Variants in STPG2 observed in about 807,000 individuals in gnomAD.
The protein encoded by STPG2 is sperm-tail PG-rich repeat-containing protein 2.
In STPG2, 56 loss-of-function variants were observed where a neutral mutation model predicts 54.2. That is an observed-to-expected ratio of 1.03 (90% CI 0.83 to 1.29). STPG2 has a LOEUF of 1.29. STPG2 is among the 50% of genes most tolerant of loss of function. STPG2 has a pLI of 0.00. For synonymous variants in STPG2, 200 were observed against 181.8 expected (o/e 1.10, Z -0.81); for missense variants, 596 against 544.9 (o/e 1.09, Z -0.93).
At chr4:97,905,484 A>C (rs1731371249) in intron 8 of STPG2, among the ~76,000 whole-genome samples, 3 of 152,186 alleles carry the variant, frequency 2.0e-5, no homozygotes, top group Admixed American at 2.0e-4. Context: ...AACAACCGGT[A>C]CCAGCCACTG....
chr4:97,602,321 G>A (rs1733483602), intron 10 of STPG2, among the ~76,000 whole-genome samples: 1 of 151,740 alleles, frequency 6.6e-6, no homozygotes, highest in East Asian at 1.9e-4. Context: ...GACCTTGTCA[G>A]TCAAAGGACA....
chr4:97,623,026 C>G (rs1560690085), intron 10 of STPG2, among the ~76,000 whole-genome samples: 1 of 152,118 alleles, frequency 6.6e-6, no homozygotes, highest in African/African-American at 2.4e-5. Flanking sequence ...AGAAAGGACT[C>G]CGTATTCAAC....
At chr4:97,618,129 T>A (rs1733920245) in intron 10 of STPG2, among the ~76,000 whole-genome samples, 1 of 152,212 alleles carries the variant, frequency 6.6e-6, no homozygotes, top group South Asian at 2.1e-4. Flanking sequence ...GGTGGCTTTC[T>A]TGGCCTGTCT....
chr4:97,921,843 T>C (rs1732121237), intron 8 of STPG2, among the ~76,000 whole-genome samples: 1 of 152,106 alleles, frequency 6.6e-6, no homozygotes, highest in Non-Finnish European at 1.5e-5. Context: ...ATTCAACCTT[T>C]AAAAAGAAGG....
intron 4 of STPG2, among the ~76,000 whole-genome samples, chr4:97,474,757 G>A (rs1730030543): frequency 6.6e-6 from 1 of 151,982 alleles, no homozygotes; most frequent in Non-Finnish European, 1.5e-5. Flanking sequence ...CCACAGAGCT[G>A]TATTTTTAAA....
chr4:97,741,351 G>A (rs200365876), intron 9 of STPG2, among the ~76,000 whole-genome samples: 62 of 152,078 alleles, frequency 4.1e-4, no homozygotes, highest in African/African-American at 1.2e-3. Flanking sequence ...ACAAAAGCCA[G>A]AATTGACAAA....
rs566785654 is a variant in STPG2 at position 97,548,552 on chromosome 4, TTAGTATGAAATAATAA to T, written c.462+164131_462+164146del. On this transcript the variant is annotated intron_variant, in intron 4 of 4. Transcript: ENST00000522676. Reference sequence around the variant, plus strand: ...ATTTACTTAGTATGAAATAATAAACTTAGTATGAAATAATAATAGTATGAAATAATAAAACATCATT... The same window carrying T: ...ATTTACTTAGTATGAAATAATAAACTTAGTATGAAATAATAAAACATCATT... Among the ~76,000 whole-genome samples, 347 of 152,252 alleles carry T rather than the reference TTAGTATGAAATAATAA, an allele frequency of 2.3e-3. 2 individuals are homozygous for T. The highest frequency in any genetic ancestry group is 8.1e-3 in the African/African-American group (337 of 41,546).
intron 9 of STPG2, among the ~76,000 whole-genome samples, chr4:97,787,377 CT>C (rs1489874438): frequency 6.6e-6 from 1 of 151,970 alleles, no homozygotes; most frequent in Non-Finnish European, 1.5e-5. Context: ...TTTTTCGCCC[CT>C]ATGCTCATCG....
chr4:97,635,368 A>G (rs536676454), intron 10 of STPG2, among the ~76,000 whole-genome samples: 13 of 152,374 alleles, frequency 8.5e-5, no homozygotes, highest in Admixed American at 3.9e-4. Flanking sequence ...AACAACTGGT[A>G]CTAGCTGCTG....
chr4:97,521,985 T>G (rs1298965438), intron 4 of STPG2, among the ~76,000 whole-genome samples: 1 of 151,944 alleles, frequency 6.6e-6, no homozygotes, highest in Non-Finnish European at 1.5e-5. Context: ...ATATTAGTGG[T>G]AATGAGATAG....
chr4:97,953,002 C>T lies in STPG2; in HGVS notation c.934-8995G>A, dbSNP rs1054350622. Reference sequence around the variant, plus strand: ...GGATTTGTACTTGCCTTATGTTACCCAGGGGAGATACTGTGGTTTCTCAGG... The same window carrying T: ...GGATTTGTACTTGCCTTATGTTACCTAGGGGAGATACTGTGGTTTCTCAGG... On this transcript the variant is annotated intron_variant, in intron 7 of 10. Transcript: ENST00000295268. Among the ~76,000 whole-genome samples the T allele has an allele frequency of 1.4e-4, 22 of 152,242 alleles. 1 individual carries two copies. The highest frequency in any genetic ancestry group is 4.8e-4 in the African/African-American group (20 of 41,540).
At chr4:97,700,993 G>T (rs1305986468) in intron 10 of STPG2, among the ~76,000 whole-genome samples, 1 of 152,170 alleles carries the variant, frequency 6.6e-6, no homozygotes, top group East Asian at 1.9e-4. Context: ...TTCCTCACAG[G>T]CCAAATGGGA....
chr4:98,084,936 C>G (rs151101118), intron 5 of STPG2, among the ~76,000 whole-genome samples: 88 of 152,132 alleles, frequency 5.8e-4, no homozygotes, highest in Middle Eastern at 3.4e-3. Flanking sequence ...ACTCAATGAG[C>G]ATAAGTATTT....
At chr4:97,511,784 T>G (rs1730978547) in intron 4 of STPG2, among the ~76,000 whole-genome samples, 1 of 152,028 alleles carries the variant, frequency 6.6e-6, no homozygotes. Flanking sequence ...AATTATGTAA[T>G]TAACATAATT....
intron 10 of STPG2, among the ~76,000 whole-genome samples, chr4:97,629,105 T>C (rs1480690977): frequency 1.3e-5 from 2 of 151,948 alleles, no homozygotes; most frequent in African/African-American, 4.8e-5. Flanking sequence ...AAGTTTTGTG[T>C]AGCATAGGTT....
chr4:97,773,947 C>G (rs985176677), intron 9 of STPG2, among the ~76,000 whole-genome samples: 3 of 151,432 alleles, frequency 2.0e-5, no homozygotes, highest in Non-Finnish European at 4.4e-5. Flanking sequence ...CCCAGGGCTT[C>G]AAGTCCAACC....
intron 5 of STPG2, among the ~76,000 whole-genome samples, chr4:98,001,684 A>C (rs1724812728): frequency 6.6e-6 from 1 of 152,152 alleles, no homozygotes; most frequent in African/African-American, 2.4e-5. Context: ...ATAAGTGCTA[A>C]ATGGAAAACG....
chr4:97,679,917 G>C (rs1187680371), intron 10 of STPG2, among the ~76,000 whole-genome samples: 3 of 151,502 alleles, frequency 2.0e-5, no homozygotes, highest in Non-Finnish European at 4.4e-5. Flanking sequence ...TCTCAGGTTT[G>C]TCAAAGATCA....
intron 7 of STPG2, among the ~76,000 whole-genome samples, chr4:97,959,528 CT>C (rs1269869189): frequency 6.6e-6 from 1 of 152,018 alleles, no homozygotes; most frequent in Non-Finnish European, 1.5e-5. Flanking sequence ...CATATTACAA[CT>C]GACACCACAG....
Sources: gnomAD v4.1 joint callset for allele counts (sites outside exome capture counted in the v4.1 genomes callset) on GRCh38, gnomAD v4.1.1 for gene constraint, MANE v1.5 for transcripts, NCBI Gene and HGNC (gene_info 2026-07-23, HGNC 2026-07-21) for gene names.